HMCN1: variants seen among roughly 807,000 people sequenced by gnomAD.
HMCN1 encodes the protein hemicentin-1.
In HMCN1, 321 loss-of-function variants were observed where a neutral mutation model predicts 625.9. The ratio of observed to expected loss-of-function variants is 0.51; its 90% confidence interval spans 0.47 to 0.56. The LOEUF (loss-of-function observed/expected upper bound fraction) is 0.56. Among genes scored for constraint, HMCN1 ranks in the 20% least tolerant of loss-of-function variants. HMCN1 has a pLI of 0.00. For missense variants in HMCN1, 6,588 were observed against 6,887.3 expected, an observed-to-expected ratio of 0.96 and a Z score of 1.54; for synonymous variants, 2,425 against 2,417.6, an observed-to-expected ratio of 1.00 and a Z score of -0.09.
At chr1:185,789,408 G>A (rs1187858625) in intron 1 of HMCN1, among the ~76,000 whole-genome samples, 1 of 152,176 alleles carries the variant, frequency 6.6e-6, no homozygotes, top group Admixed American at 6.5e-5. Context: ...TATAGCTCAA[G>A]TAACACTGAT....
chr1:185,997,586 T>C (rs143981848), intron 25 of HMCN1, 62 bp downstream of exon 25: 1 of 1,141,504 alleles, frequency 8.8e-7, no homozygotes, highest in African/African-American at 1.5e-5. Context: ...AATGCTATAT[T>C]GAACCCAAAT....
At chr1:186,009,556 AGT>A (rs1394786864) in intron 30 of HMCN1, among the ~76,000 whole-genome samples, 1 of 152,132 alleles carries the variant, frequency 6.6e-6, no homozygotes, top group Non-Finnish European at 1.5e-5. Context: ...TCAGATTGAG[AGT>A]GTGTTTCATA....
At chr1:186,053,185 T>C in intron 43 of HMCN1, 111 bp downstream of exon 43, 1 of 992,016 alleles carries the variant, frequency 1.0e-6, no homozygotes, top group Non-Finnish European at 1.6e-6. Flanking sequence ...GTTTGCATAC[T>C]AAATGCTAGA....
intron 100 of HMCN1, among the ~76,000 whole-genome samples, chr1:186,170,335 T>G (rs181556852): frequency 6.6e-6 from 1 of 152,276 alleles, no homozygotes; most frequent in East Asian, 1.9e-4. Context: ...GTGGAATGTT[T>G]TACATTGTTG....
chr1:186,151,562 C>G, intron 94 of HMCN1, 44 bp from the exon 95 acceptor site: 1 of 1,572,782 alleles, frequency 6.4e-7, no homozygotes, highest in Admixed American at 1.7e-5. Context: ...ATAAAATAGA[C>G]TAAAAATTTT....
At chr1:186,086,900 C>T (rs908365842) in intron 58 of HMCN1, among the ~76,000 whole-genome samples, 5 of 151,956 alleles carry the variant, frequency 3.3e-5, no homozygotes, top group African/African-American at 1.2e-4. Context: ...GAAATTTAAA[C>T]CCAGAAAACA....
At chr1:185,803,476 T>C (rs929008221) in intron 1 of HMCN1, among the ~76,000 whole-genome samples, 1 of 152,014 alleles carries the variant, frequency 6.6e-6, no homozygotes, top group Non-Finnish European at 1.5e-5. Context: ...TTTTCTTCAA[T>C]AGCATTTTTT....
intron 1 of HMCN1, among the ~76,000 whole-genome samples, chr1:185,784,686 C>T (rs900440426): frequency 6.6e-6 from 1 of 152,126 alleles, no homozygotes; most frequent in African/African-American, 2.4e-5. Context: ...GGGGTTTCTA[C>T]ATCCTTCCCT....
At chr1:186,186,718 A>G (rs1431454196) in intron 105 of HMCN1, among the ~76,000 whole-genome samples, 2 of 152,170 alleles carry the variant, frequency 1.3e-5, no homozygotes, top group African/African-American at 2.4e-5. Context: ...CCTCCAGGCC[A>G]TGAGATGTTC....
At chr1:186,090,043 A>G (rs1254112545) in intron 63 of HMCN1, among the ~76,000 whole-genome samples, 1 of 151,846 alleles carries the variant, frequency 6.6e-6, no homozygotes, top group Non-Finnish European at 1.5e-5. Flanking sequence ...CTGAACATGG[A>G]GTGGGGAAAA....
chr1:186,022,851 G>C (rs1028971834), intron 35 of HMCN1, among the ~76,000 whole-genome samples, 179 bp from the exon 36 acceptor site: 1 of 151,996 alleles, frequency 6.6e-6, no homozygotes, highest in African/African-American at 2.4e-5. Flanking sequence ...AATCAAACTA[G>C]TCTATTGTCT....
chr1:185,847,110 A>C lies in HMCN1; in HGVS notation c.339+1014A>C, dbSNP rs192480695. Among the ~76,000 whole-genome samples, 114 of 149,754 alleles carry C rather than the reference A, an allele frequency of 7.6e-4. 1 individual carries two copies. The highest frequency in any genetic ancestry group is 4.2e-4 in the South Asian group (2 of 4,714). ...CAGGCCATCAGATTTCTTATTTTTC[A>C]CTTCTTCTAATCTAGCTTAGAGTTT... On this transcript the variant is annotated intron_variant, in intron 2 of 106. Coordinates refer to ENST00000271588, the MANE Select transcript of HMCN1 (RefSeq NM_031935.3).
rs1655944781 is a variant in HMCN1 at position 186,037,954 on chromosome 1, G to C, written c.5770G>C (p.Ala1924Pro). ...TGTAGAACCACCTAGTCTGGAAGATGCTGGAAAAATGCTGAATGAGACTGT... is the reference window on the plus strand; with the variant it reads ...TGTAGAACCACCTAGTCTGGAAGATCCTGGAAAAATGCTGAATGAGACTGT... ...HVHEPPSLEDAGKMLNETVLV... is the reference protein window; with the variant it reads ...HVHEPPSLEDPGKMLNETVLV... Residue 1924 changes from alanine to proline, a missense_variant, in exon 37 of 107, where the codon GCT becomes CCT. This residue lies in a region of HMCN1 where 4,628 missense variants were observed against 4,853.1 expected (regional missense o/e 0.95). Transcript: ENST00000271588. 2.5e-6 allele frequency: 4 copies of C among 1,611,570 alleles called. No homozygotes were observed. In the East Asian group the frequency reaches 6.7e-5, roughly 27 times the overall value.
At chr1:185,926,479 TA>T (rs1214190357) in intron 9 of HMCN1, among the ~76,000 whole-genome samples, 2 of 152,224 alleles carry the variant, frequency 1.3e-5, no homozygotes, top group African/African-American at 4.8e-5. Context: ...TGAAATCAAA[TA>T]ATTCTGTTTT....
At chr1:186,087,774 C>G in intron 60 of HMCN1, 129 bp downstream of exon 60, 3 of 1,148,422 alleles carry the variant, frequency 2.6e-6, no homozygotes, top group Non-Finnish European at 3.9e-6. Context: ...ATAGCCAATG[C>G]CATTGACTAT....
At chr1:185,746,528 G>T (rs1174036894) in intron 1 of HMCN1, among the ~76,000 whole-genome samples, 4 of 151,594 alleles carry the variant, frequency 2.6e-5, no homozygotes, top group African/African-American at 9.7e-5. Context: ...TCCTTGGCTT[G>T]TAGATACATC....
Position 186,016,069 on chromosome 1 carries a change from C to G in HMCN1, c.5021C>G (p.Thr1674Ser), listed in dbSNP as rs1654347004. 6.2e-7 allele frequency: 1 copy of G among 1,613,392 alleles called. No individual in the cohort carries two copies. The highest frequency in any genetic ancestry group is 1.3e-5 in the African/African-American group (1 of 74,868). Residue 1674 changes from threonine to serine, a missense_variant, in exon 32 of 107, where the codon ACC becomes AGC. Coordinates refer to ENST00000271588, the MANE Select transcript of HMCN1 (RefSeq NM_031935.3). ...KAAGNPSPIL[T>S]WLKDGVPVKA... ...GCTGGAAACCCTTCTCCCATTCTCA[C>G]CTGGTTGAAAGATGGTGTACCTGTG...
chr1:185,770,423 A>G (rs1030267569), intron 1 of HMCN1, among the ~76,000 whole-genome samples: 2 of 152,244 alleles, frequency 1.3e-5, no homozygotes, highest in African/African-American at 4.8e-5. Flanking sequence ...TAAAAAAGAG[A>G]AAAGGAACAC....
intron 94 of HMCN1, 87 bp from the exon 95 acceptor site, chr1:186,151,519 A>G: frequency 7.1e-7 from 1 of 1,408,990 alleles, no homozygotes; most frequent in Non-Finnish European, 9.9e-7. Context: ...ATTATTTAGA[A>G]TTCATCCTTG....
Sources: gnomAD v4.1 joint callset for allele counts (sites outside exome capture counted in the v4.1 genomes callset) on GRCh38, gnomAD v4.1.1 for gene constraint, gnomAD v4.1.1 regional missense constraint, MANE v1.5 for transcripts, NCBI Gene and HGNC (gene_info 2026-07-23, HGNC 2026-07-21) for gene names.